Variants in ME3 observed in about 807,000 individuals in gnomAD.
ME3 encodes NADP-dependent malic enzyme, mitochondrial.
Under a neutral mutation model 68.9 loss-of-function variants are expected in ME3, and 48 were observed. The observed-to-expected ratio is 0.70, with a 90% CI of 0.55 to 0.89. The LOEUF (loss-of-function observed/expected upper bound fraction) is 0.89, where lower values mean the gene tolerates loss of function less well. Ranked by LOEUF, ME3 falls within the 40% of genes least tolerant of loss-of-function variation. The pLI is 0.00. For missense variants in ME3, 675 were observed against 797.4 expected (o/e 0.85, Z 1.85); for synonymous variants, 320 against 318.8 (o/e 1.00, Z -0.04).
At chr11:86,601,409 G>A (rs879831221) in intron 2 of ME3, among the ~76,000 whole-genome samples, 2 of 152,152 alleles carry the variant, frequency 1.3e-5, no homozygotes, top group African/African-American at 2.4e-5. Flanking sequence ...CCAGGAAGAA[G>A]TTGAATCTCT....
chr11:86,583,950 TAA>T (rs535527184), intron 2 of ME3, among the ~76,000 whole-genome samples: 83 of 151,938 alleles, frequency 5.5e-4, no homozygotes, highest in Middle Eastern at 6.8e-3. Flanking sequence ...GCAAAAACAG[TAA>T]AAATAAACAA....
intron 2 of ME3, among the ~76,000 whole-genome samples, chr11:86,586,258 G>T (rs1206237987): frequency 6.6e-6 from 1 of 152,160 alleles, no homozygotes; most frequent in Non-Finnish European, 1.5e-5. Context: ...ACCCAAGCTG[G>T]GTTGGATTAG....
chr11:86,453,166 T>C (rs757415433), intron 8 of ME3, among the ~76,000 whole-genome samples: 2 of 152,126 alleles, frequency 1.3e-5, no homozygotes, highest in Non-Finnish European at 2.9e-5. Flanking sequence ...GCCCAGCTAA[T>C]TTTTTGTATT....
intron 7 of ME3, among the ~76,000 whole-genome samples, chr11:86,472,600 G>A (rs775263151): frequency 5.3e-5 from 8 of 152,190 alleles, no homozygotes; most frequent in African/African-American, 1.9e-4. Context: ...CTGAGCAGGT[G>A]TGGCTCCATC....
At chr11:86,644,089 T>G (rs1944844421) in intron 2 of ME3, among the ~76,000 whole-genome samples, 1 of 152,186 alleles carries the variant, frequency 6.6e-6, no homozygotes, top group Non-Finnish European at 1.5e-5. Flanking sequence ...GTGGTCACTG[T>G]GAGGGGTGTG....
chr11:86,516,105 C>A (rs1395850260), intron 4 of ME3, among the ~76,000 whole-genome samples: 3 of 152,064 alleles, frequency 2.0e-5, no homozygotes, highest in African/African-American at 7.2e-5. Flanking sequence ...TAGAAGCAGT[C>A]ATGGAAATCT....
chr11:86,607,252 G>T (rs1961808730), intron 2 of ME3, among the ~76,000 whole-genome samples: 1 of 152,034 alleles, frequency 6.6e-6, no homozygotes, highest in Non-Finnish European at 1.5e-5. Flanking sequence ...CTTCTTATTT[G>T]GGATATCCTG....
At chr11:86,541,927 C>A (rs1037091902) in intron 4 of ME3, among the ~76,000 whole-genome samples, 1 of 152,172 alleles carries the variant, frequency 6.6e-6, no homozygotes, top group African/African-American at 2.4e-5. Context: ...TGGTGGTTGC[C>A]CCTCTGGGAT....
At chr11:86,534,073 GTGTGTGTGTATATATA>G (rs368594245) in intron 4 of ME3, among the ~76,000 whole-genome samples, 25,812 of 74,306 alleles carry the variant, frequency 0.35, 2,269 homozygotes, top group Middle Eastern at 0.4. Flanking sequence ...TGAGGTGTGT[GTGTGTGTGTATATATA>G]TATATATATA....
At chr11:86,607,784 A>G (rs1023758956) in intron 2 of ME3, among the ~76,000 whole-genome samples, 2 of 151,934 alleles carry the variant, frequency 1.3e-5, no homozygotes, top group African/African-American at 4.8e-5. Flanking sequence ...GAACTCTCTT[A>G]TACGTCCTTG....
chr11:86,526,360 A>G (rs751636701), intron 4 of ME3, among the ~76,000 whole-genome samples: 75 of 152,276 alleles, frequency 4.9e-4, no homozygotes, highest in Non-Finnish European at 9.7e-4. Context: ...TAGGTAAACA[A>G]AGCAGCCGGG....
chr11:86,666,990 AATC>A (rs1479186353), intron 2 of ME3, among the ~76,000 whole-genome samples: 1 of 152,228 alleles, frequency 6.6e-6, no homozygotes, highest in Non-Finnish European at 1.5e-5. Flanking sequence ...AAGTCTAATA[AATC>A]ATCATTGAAT....
intron 4 of ME3, among the ~76,000 whole-genome samples, chr11:86,542,823 A>C (rs1956131000): frequency 6.6e-6 from 1 of 152,130 alleles, no homozygotes; most frequent in Non-Finnish European, 1.5e-5. Flanking sequence ...GATACACCTC[A>C]AGAAGAGCAA....
intron 2 of ME3, among the ~76,000 whole-genome samples, chr11:86,655,512 T>A (rs890303735): frequency 6.6e-6 from 1 of 152,104 alleles, no homozygotes; most frequent in Non-Finnish European, 1.5e-5. Context: ...ATTCCCTATT[T>A]AATAAATGGT....
chr11:86,533,975 C>A (rs1208246915), intron 4 of ME3, among the ~76,000 whole-genome samples: 1 of 152,012 alleles, frequency 6.6e-6, no homozygotes, highest in Non-Finnish European at 1.5e-5. Flanking sequence ...CATCATGTTA[C>A]TGTACTGACT....
intron 8 of ME3, chr11:86,462,448 CTG>C: frequency 3.6e-6 from 2 of 550,240 alleles, no homozygotes; most frequent in Non-Finnish European, 4.6e-6. Flanking sequence ...AGATTTTTGA[CTG>C]TGTGGGGCAT....
intron 2 of ME3, among the ~76,000 whole-genome samples, chr11:86,634,163 T>G (rs1243395160): frequency 6.6e-6 from 1 of 151,990 alleles, no homozygotes; most frequent in African/African-American, 2.4e-5. Context: ...GAGGAGAGAT[T>G]GGGAAACCTG....
intron 7 of ME3, among the ~76,000 whole-genome samples, chr11:86,486,699 T>C (rs1951710488): frequency 6.6e-6 from 1 of 152,182 alleles, no homozygotes; most frequent in African/African-American, 2.4e-5. Flanking sequence ...AGAGTAAACA[T>C]GGGTGTGTGA....
At chr11:86,626,534 C>A (rs1234789611) in intron 2 of ME3, among the ~76,000 whole-genome samples, 1 of 152,204 alleles carries the variant, frequency 6.6e-6, no homozygotes, top group Admixed American at 6.5e-5. Flanking sequence ...AATTTTCTGC[C>A]TTTTAATAAT....
Sources: allele counts gnomAD v4.1 joint callset (sites outside exome capture counted in the v4.1 genomes callset), GRCh38; gene constraint gnomAD v4.1.1; transcripts MANE v1.5; gene names NCBI Gene and HGNC (gene_info 2026-07-23, HGNC 2026-07-21).